Variants in PCDH15 observed in about 807,000 individuals in gnomAD.
PCDH15 encodes the protein protocadherin related 15.
Under a neutral mutation model 178.5 loss-of-function variants are expected in PCDH15, and 129 were observed. The ratio of observed to expected loss-of-function variants is 0.72; its 90% CI spans 0.63 to 0.84. The LOEUF is 0.84. Among genes scored for constraint, PCDH15 ranks in the 40% least tolerant of loss-of-function variants. The pLI is 0.00. For missense variants in PCDH15, 2,230 were observed against 2,099.9 expected (o/e 1.06, Z -1.21); for synonymous variants, 800 against 732.0 (o/e 1.09, Z -1.50).
At chr10:54,147,950 T>C (rs1013607315) in intron 14 of PCDH15, among the ~76,000 whole-genome samples, 7 of 152,004 alleles carry the variant, frequency 4.6e-5, no homozygotes, top group African/African-American at 1.7e-4. Context: ...CTGAGCCAAG[T>C]CAATTATCCT....
chr10:53,843,776 A>G (rs1480257100), intron 28 of PCDH15, among the ~76,000 whole-genome samples: 1 of 152,136 alleles, frequency 6.6e-6, no homozygotes, highest in African/African-American at 2.4e-5. Flanking sequence ...TCATAAAATT[A>G]TAGCAAAACT....
chr10:54,159,221 TA>T (rs1456800634), intron 13 of PCDH15, among the ~76,000 whole-genome samples: 1 of 152,182 alleles, frequency 6.6e-6, no homozygotes, highest in African/African-American at 2.4e-5. Context: ...AAAAGTCCCT[TA>T]TTTTCCTTTG....
At chr10:54,829,470 A>G (rs7081418) in intron 3 of PCDH15, among the ~76,000 whole-genome samples, 43,094 of 151,946 alleles carry the variant, frequency 0.28, 6,240 homozygotes, top group Middle Eastern at 0.37. Context: ...AACCACCCCT[A>G]CAATACTAGC....
At chr10:54,701,983 C>A (rs1174334424) in intron 1 of PCDH15, among the ~76,000 whole-genome samples, 4 of 151,894 alleles carry the variant, frequency 2.6e-5, no homozygotes, top group African/African-American at 9.7e-5. Context: ...AACTTTCCAC[C>A]AAAAAACAAC....
At chr10:54,286,365 C>T (rs527499110) in intron 8 of PCDH15, among the ~76,000 whole-genome samples, 2 of 152,148 alleles carry the variant, frequency 1.3e-5, no homozygotes, top group South Asian at 4.1e-4. Context: ...AAGTTAATCA[C>T]TCTCTAATGA....
At chr10:54,155,185 G>C (rs2044978727) in intron 13 of PCDH15, among the ~76,000 whole-genome samples, 1 of 152,182 alleles carries the variant, frequency 6.6e-6, no homozygotes, top group Non-Finnish European at 1.5e-5. Context: ...GTGTGCTTCA[G>C]GGATGTCAGC....
At chr10:55,031,527 C>T (rs904067342) in intron 2 of PCDH15, among the ~76,000 whole-genome samples, 4 of 152,172 alleles carry the variant, frequency 2.6e-5, no homozygotes, top group South Asian at 2.1e-4. Flanking sequence ...GAGTCTCAGA[C>T]CGGCATTAAA....
At chr10:55,110,541 A>T (rs925680049) in intron 2 of PCDH15, among the ~76,000 whole-genome samples, 1 of 152,098 alleles carries the variant, frequency 6.6e-6, no homozygotes, top group Non-Finnish European at 1.5e-5. Context: ...CATGGATTCA[A>T]ACTTTCAGTT....
intron 2 of PCDH15, among the ~76,000 whole-genome samples, chr10:55,065,764 G>A (rs904384765): frequency 6.6e-6 from 1 of 151,990 alleles, no homozygotes; most frequent in South Asian, 2.1e-4. Context: ...TTTATTTATA[G>A]TCTATGCTGT....
chr10:55,340,353 T>C (rs1215832447), intron 2 of PCDH15, among the ~76,000 whole-genome samples: 1 of 151,896 alleles, frequency 6.6e-6, no homozygotes, highest in Non-Finnish European at 1.5e-5. Flanking sequence ...TTTATACCTG[T>C]AGCACTGGAG....
intron 2 of PCDH15, among the ~76,000 whole-genome samples, chr10:54,626,517 T>C (rs919278923): frequency 2.0e-5 from 3 of 152,206 alleles, no homozygotes; most frequent in Non-Finnish European, 4.4e-5. Context: ...GTGCAGGCCC[T>C]GAGCCTTGGC....
chr10:53,880,171 G>A (rs1310244297), intron 26 of PCDH15, among the ~76,000 whole-genome samples: 4 of 152,100 alleles, frequency 2.6e-5, no homozygotes, highest in Non-Finnish European at 4.4e-5. Flanking sequence ...TAAAATAGGT[G>A]TTATGCATAT....
At chr10:54,150,362 T>C (rs2044402351) in intron 14 of PCDH15, among the ~76,000 whole-genome samples, 1 of 152,034 alleles carries the variant, frequency 6.6e-6, no homozygotes, top group South Asian at 2.1e-4. Context: ...TTACAGTCCA[T>C]CAAGTTTCCT....
rs778642329 is a variant in PCDH15, at chr10:54,185,227, G to A, written c.1347C>T (p.Thr449=). The A allele has an allele frequency of 6.8e-6, 11 of 1,613,532 alleles. No individual in the cohort carries two copies. Among genetic ancestry groups the A allele is most frequent in the Non-Finnish European group, 9.3e-6 (11 of 1,179,648 alleles). The change falls in exon 12 of 38, where the codon ACC becomes ACT. Residue 449 remains threonine, a synonymous_variant. Transcript: ENST00000644397. ...CAGTCTGTGTGACGGTGAAGACTGA[G>A]GTGTAGTCATTCAGAAAAAGGTGAA... ...PELHLFLNDY[T]SVFTVTQTGI...
intron 3 of PCDH15, among the ~76,000 whole-genome samples, chr10:54,517,676 C>G (rs371325048): frequency 6.6e-6 from 1 of 152,028 alleles, no homozygotes; most frequent in Non-Finnish European, 1.5e-5. Context: ...AACAAGGATA[C>G]CCAGGAATTG....
At chr10:54,317,981 A>C (rs1269066293) in intron 7 of PCDH15, among the ~76,000 whole-genome samples, 1 of 152,176 alleles carries the variant, frequency 6.6e-6, no homozygotes, top group African/African-American at 2.4e-5. Flanking sequence ...CTAACAGTTC[A>C]CATTACTAGA....
intron 1 of PCDH15, among the ~76,000 whole-genome samples, chr10:54,703,338 C>T (rs2095332041): frequency 1.3e-5 from 2 of 151,894 alleles, no homozygotes; most frequent in Non-Finnish European, 2.9e-5. Context: ...ATGCCCACTC[C>T]TACCATTCCT....
chr10:54,318,552 C>T (rs887089743), intron 7 of PCDH15, among the ~76,000 whole-genome samples: 1 of 152,162 alleles, frequency 6.6e-6, no homozygotes, highest in Admixed American at 6.6e-5. Context: ...TTAGTTTTTA[C>T]TTAATGTCAG....
intron 2 of PCDH15, among the ~76,000 whole-genome samples, chr10:54,935,318 C>T (rs1837877633): frequency 6.6e-6 from 1 of 152,102 alleles, no homozygotes. Flanking sequence ...TCACTAAGTT[C>T]AATGCAACTT....
Sources: gnomAD v4.1 joint callset for allele counts (sites outside exome capture counted in the v4.1 genomes callset) on GRCh38, gnomAD v4.1.1 for gene constraint, MANE v1.5 for transcripts, NCBI Gene and HGNC (gene_info 2026-07-23, HGNC 2026-07-21) for gene names.